ELF1: variants seen among roughly 807,000 people sequenced by gnomAD.
ELF1 encodes the protein ETS-related transcription factor Elf-1.
A neutral mutation model predicts 59.9 loss-of-function variants in ELF1; 24 were observed. The ratio of observed to expected loss-of-function variants is 0.40; its 90% confidence interval spans 0.29 to 0.56. The LOEUF (loss-of-function observed/expected upper bound fraction) is 0.56. Ranked by LOEUF, ELF1 falls within the 20% of genes least tolerant of loss-of-function variation. ELF1 has a pLI of 0.44. For missense variants in ELF1, 627 were observed against 742.2 expected, an observed-to-expected ratio of 0.84 and a Z score of 1.80; for synonymous variants, 248 against 266.2, an observed-to-expected ratio of 0.93 and a Z score of 0.67.
intron 2 of ELF1, among the ~76,000 whole-genome samples, chr13:40,968,721 C>CTTTTTTTTTTTTTTT (rs35089615): frequency 7.3e-6 from 1 of 137,376 alleles, no homozygotes; most frequent in African/African-American, 2.7e-5. Context: ...TTTCTATATT[C>CTTTTTTTTTTTTTTT]TTTTTTTTTT....
intron 1 of ELF1, among the ~76,000 whole-genome samples, chr13:41,032,850 A>C (rs916263902): frequency 6.8e-4 from 1 of 1,462 alleles, no homozygotes; most frequent in Non-Finnish European, 0.038. Flanking sequence ...CCTTGTTTCT[A>C]AAAAAAAAAA....
chr13:40,972,634 T>C (rs1329246549), intron 2 of ELF1, among the ~76,000 whole-genome samples: 1 of 152,222 alleles, frequency 6.6e-6, no homozygotes, highest in Non-Finnish European at 1.5e-5. Context: ...CCATGTACCA[T>C]GCTATAGGTA....
Position 40,988,297 on chromosome 13 carries a change from G to C in ELF1, c.-228-6015C>G, listed in dbSNP as rs149097535. Among the ~76,000 whole-genome samples the C allele has an allele frequency of 7.9e-5, 12 of 152,302 alleles. No homozygotes were observed. In the East Asian group the frequency reaches 2.3e-3, roughly 29 times the overall value. On this transcript the variant is annotated intron_variant, in intron 1 of 8. Transcript: ENST00000239882. ...GAAAAGAAAAAAGAATTTAGGCCTAGAGCATTCTGATGTGTCCAAGGACAC... is the reference window on the plus strand; with the variant it reads ...GAAAAGAAAAAAGAATTTAGGCCTACAGCATTCTGATGTGTCCAAGGACAC...
intron 1 of ELF1, among the ~76,000 whole-genome samples, chr13:40,995,388 A>G (rs568730854): frequency 6.6e-6 from 1 of 152,346 alleles, no homozygotes; most frequent in South Asian, 2.1e-4. Flanking sequence ...AGGAAATGGT[A>G]GTCAGATTTG....
upstream of ELF1, among the ~76,000 whole-genome samples, chr13:41,021,362 G>C (rs1368095457): frequency 6.6e-6 from 1 of 152,172 alleles, no homozygotes; most frequent in Non-Finnish European, 1.5e-5. Flanking sequence ...TTCCTAAGGA[G>C]ATGACTCCAG....
intron 2 of ELF1, among the ~76,000 whole-genome samples, chr13:40,972,554 A>G (rs1872627277): frequency 6.6e-6 from 1 of 152,262 alleles, no homozygotes; most frequent in Non-Finnish European, 1.5e-5. Flanking sequence ...AATAGAGATT[A>G]TCCAGTGTAA....
chr13:40,953,983 T>A (rs1046124814), intron 3 of ELF1, among the ~76,000 whole-genome samples: 5 of 152,200 alleles, frequency 3.3e-5, no homozygotes, highest in African/African-American at 1.2e-4. Context: ...TTACAAAGAC[T>A]GTAGCCTTAC....
At chr13:41,034,306 T>C (rs1470925692) in intron 1 of ELF1, among the ~76,000 whole-genome samples, 1 of 152,184 alleles carries the variant, frequency 6.6e-6, no homozygotes, top group Non-Finnish European at 1.5e-5. Flanking sequence ...GGGAAAATCC[T>C]AATAAAGTCT....
rs115548777 is a variant in ELF1, at chr13:40,996,695, A to C, written c.-228-14413T>G. Reference sequence around the variant, plus strand: ...GAGGCTGATAACGGGGAGGCTATGCATGTGCAGGGGCAGGAGGTATATGGG... The same window carrying C: ...GAGGCTGATAACGGGGAGGCTATGCCTGTGCAGGGGCAGGAGGTATATGGG... On this transcript the variant is annotated intron_variant, in intron 1 of 8. Coordinates refer to ENST00000239882, the MANE Select transcript of ELF1 (RefSeq NM_172373.4). Among the ~76,000 whole-genome samples, 240 of 152,326 alleles carry C rather than the reference A, an allele frequency of 1.6e-3. 1 individual carries two copies. The highest frequency in any genetic ancestry group is 5.6e-3 in the African/African-American group (231 of 41,578).
intron 1 of ELF1, among the ~76,000 whole-genome samples, chr13:41,027,438 C>T (rs571107032): frequency 3.3e-5 from 5 of 152,324 alleles, no homozygotes; most frequent in African/African-American, 9.6e-5. Flanking sequence ...AGGTTATTCA[C>T]GGGCTTAGCA....
intron 1 of ELF1, among the ~76,000 whole-genome samples, chr13:41,000,241 T>TG (rs1874349676): frequency 3.7e-5 from 2 of 53,836 alleles, no homozygotes; most frequent in African/African-American, 1.6e-4. Context: ...ACCTGGCTTT[T>TG]TTTTTTTTTT....
In ELF1 at chr13:41,004,596, T is replaced by C. The variant is rs377683534; in HGVS notation, c.-229+14632A>G. 1.2e-4 allele frequency among the ~76,000 whole-genome samples: 19 copies of C among 152,238 alleles called. No homozygotes were observed. In the South Asian group the frequency reaches 1.9e-3, roughly 15 times the overall value. ...TCTTTCATCTTGAAGTTGTACCAAGTAAGAATTTACTTGGTAAACTACAAA... is the reference window on the plus strand; with the variant it reads ...TCTTTCATCTTGAAGTTGTACCAAGCAAGAATTTACTTGGTAAACTACAAA... On this transcript the variant is annotated intron_variant, in intron 1 of 8. Coordinates refer to ENST00000239882, the MANE Select transcript of ELF1 (RefSeq NM_172373.4).
intron 1 of ELF1, among the ~76,000 whole-genome samples, chr13:41,057,914 T>A (rs1298349793): frequency 1.3e-5 from 2 of 152,246 alleles, no homozygotes; most frequent in South Asian, 2.1e-4. Context: ...AAGGTCACTT[T>A]CAACAAAGCA....
intron 2 of ELF1, among the ~76,000 whole-genome samples, chr13:40,981,329 T>C (rs928868548): frequency 1.3e-5 from 2 of 152,042 alleles, no homozygotes; most frequent in Admixed American, 1.3e-4. Context: ...TTCCAGTTCT[T>C]TTGTGTGTGT....
At chr13:41,017,729 C>A (rs1260331442) in intron 1 of ELF1, among the ~76,000 whole-genome samples, 1 of 151,840 alleles carries the variant, frequency 6.6e-6, no homozygotes, top group Non-Finnish European at 1.5e-5. Flanking sequence ...TAAATAAGAT[C>A]TTAATTATGC....
At chr13:40,952,752 A>G (rs1870936726) in intron 3 of ELF1, among the ~76,000 whole-genome samples, 1 of 152,178 alleles carries the variant, frequency 6.6e-6, no homozygotes, top group Non-Finnish European at 1.5e-5. Context: ...TATAGTATAT[A>G]TAATGAATCC....
intron 1 of ELF1, among the ~76,000 whole-genome samples, chr13:41,057,370 T>C (rs1260715268): frequency 6.6e-6 from 1 of 151,818 alleles, no homozygotes; most frequent in East Asian, 1.9e-4. Flanking sequence ...TGTTATGTTG[T>C]CCAGGCTCTC....
At chr13:41,020,143 G>T (rs1875632717), upstream of ELF1, among the ~76,000 whole-genome samples, 1 of 152,202 alleles carries the variant, frequency 6.6e-6, no homozygotes, top group African/African-American at 2.4e-5. Context: ...TGCAATTGTG[G>T]CAAGGCCAAC....
chr13:40,994,597 C>T (rs1345882121), intron 1 of ELF1, among the ~76,000 whole-genome samples: 4 of 152,136 alleles, frequency 2.6e-5, no homozygotes, highest in Non-Finnish European at 5.9e-5. Flanking sequence ...AAGCTGAGAT[C>T]GCACCACTGC....
Sources: allele counts gnomAD v4.1 joint callset (sites outside exome capture counted in the v4.1 genomes callset), GRCh38; gene constraint gnomAD v4.1.1; transcripts MANE v1.5; gene names NCBI Gene and HGNC (gene_info 2026-07-23, HGNC 2026-07-21).